Variants in ZEB1 observed in about 807,000 individuals in gnomAD.
ZEB1 encodes the protein zinc finger E-box binding homeobox 1.
ZEB1 carries 21 observed loss-of-function variants against 84.9 expected under a neutral mutation model. The ratio of observed to expected loss-of-function variants is 0.25; its 90% CI spans 0.18 to 0.36. The LOEUF (loss-of-function observed/expected upper bound fraction) is 0.36, where lower values mean the gene tolerates loss of function less well. ZEB1 is among the 10% of genes least tolerant of loss of function. The pLI is 1.00. For missense variants in ZEB1, 1,104 were observed against 1,330.2 expected (o/e 0.83, Z 2.65); for synonymous variants, 420 against 471.1 (o/e 0.89, Z 1.41).
intron 1 of ZEB1, chr10:31,361,062 C>T: frequency 2.5e-6 from 4 of 1,611,640 alleles, no homozygotes; most frequent in East Asian, 2.2e-5. Context: ...TCTGGATAAT[C>T]AGACTTCTTT....
chr10:31,497,850 A>G lies in ZEB1; in HGVS notation c.322+2012A>G, dbSNP rs1279285746. 3.3e-5 allele frequency among the ~76,000 whole-genome samples: 5 copies of G among 151,916 alleles called. No individual in the cohort carries two copies. In the East Asian group the frequency reaches 9.7e-4, roughly 29 times the overall value. ...GTCCCTTTTTTTGTTTATATAGTTG[A>G]TAATTTTAGAAAGTTTCAAACATGG... On this transcript the variant is annotated intron_variant, in intron 3 of 8. Coordinates refer to ENST00000424869, the MANE Select transcript of ZEB1 (RefSeq NM_001174096.2).
At chr10:31,454,206 A>G (rs911215930) in intron 1 of ZEB1, among the ~76,000 whole-genome samples, 4 of 152,180 alleles carry the variant, frequency 2.6e-5, no homozygotes, top group African/African-American at 7.2e-5. Context: ...ATAAAATTCA[A>G]CACCCCTTCA....
chr10:31,377,344 ACTGCTCTGCCACTAGTTC>A (rs1214253037), intron 1 of ZEB1, among the ~76,000 whole-genome samples: 1 of 151,680 alleles, frequency 6.6e-6, no homozygotes, highest in Non-Finnish European at 1.5e-5. Context: ...AAAATGTGAG[ACTGCTCTGCCACTAGTTC>A]CTGCTCTGCC....
At chr10:31,464,825 A>G (rs1261976690) in intron 2 of ZEB1, among the ~76,000 whole-genome samples, 1 of 152,214 alleles carries the variant, frequency 6.6e-6, no homozygotes, top group African/African-American at 2.4e-5. Flanking sequence ...CAAAAACAAA[A>G]GCTGAGGGAT....
upstream of ZEB1, chr10:31,318,946 C>T (rs1006064387): frequency 2.0e-6 from 1 of 496,174 alleles, no homozygotes; most frequent in African/African-American, 2.0e-5. Context: ...CCTACGGTTT[C>T]CCGGCATCCG....
chr10:31,329,615 G>A (rs953100025), intron 1 of ZEB1, among the ~76,000 whole-genome samples: 1 of 152,028 alleles, frequency 6.6e-6, no homozygotes, highest in Admixed American at 6.6e-5. Context: ...TGTTTAACTT[G>A]GTAAGAAGCT....
chr10:31,521,976 G>T, intron 7 of ZEB1, 40 bp downstream of exon 7: 1 of 1,613,276 alleles, frequency 6.2e-7, no homozygotes, highest in Non-Finnish European at 8.5e-7. Context: ...CTAGTAATAT[G>T]CTATTTGACT....
chr10:31,466,285 T>G (rs1282397982), intron 2 of ZEB1, among the ~76,000 whole-genome samples: 2 of 152,214 alleles, frequency 1.3e-5, no homozygotes, highest in African/African-American at 4.8e-5. Flanking sequence ...ATACAGAACA[T>G]TCCATTCAAC....
At position 31,495,856 on chromosome 10, in the gene ZEB1, T is replaced by A; in HGVS notation, c.322+18T>A. 6.2e-7 allele frequency: 1 copy of A among 1,612,696 alleles called. No homozygotes were observed. The highest frequency in any genetic ancestry group is 1.7e-5 in the Admixed American group (1 of 59,962). On this transcript the variant is annotated intron_variant, in intron 3 of 8. Coordinates refer to ENST00000424869, the MANE Select transcript of ZEB1 (RefSeq NM_001174096.2). ...ATGTACAGGTACTCTGCTGCGACTT[T>A]CTTTCATACCATAGCCTTTAAAAGA... is the stretch of plus-strand genomic sequence containing the variant.
intron 1 of ZEB1, among the ~76,000 whole-genome samples, chr10:31,438,223 T>C (rs2058504647): frequency 6.6e-6 from 1 of 152,228 alleles, no homozygotes; most frequent in East Asian, 1.9e-4. Flanking sequence ...GTGCTGGTGT[T>C]CAGCAAGTAT....
intron 1 of ZEB1, among the ~76,000 whole-genome samples, chr10:31,334,722 A>G (rs1048618007): frequency 6.6e-6 from 1 of 152,126 alleles, no homozygotes; most frequent in African/African-American, 2.4e-5. Flanking sequence ...AGTATCTGGA[A>G]TGAAAATGGG....
In ZEB1 at chr10:31,527,384, G is replaced by C; in HGVS notation, c.*120G>C. 9.1e-7 allele frequency: 1 copy of C among 1,095,444 alleles called. No homozygotes were observed. 67.9% of individuals were successfully genotyped at this position (1,095,444 alleles called of 1,614,324 possible). A position where few individuals can be genotyped will look rare whatever the true frequency, so the allele number is the denominator to read the frequency against. ...TGATTCCTGTTCACTACTGTGTAAA[G>C]TAAAAACTAAAAAAATACAAAATAC... On this transcript the variant is annotated 3_prime_UTR_variant, in exon 9 of 9. Coordinates refer to ENST00000424869, the MANE Select transcript of ZEB1 (RefSeq NM_001174096.2).
rs191917493 is a variant in ZEB1, at chr10:31,335,684, A to G, written c.58+16392A>G. On this transcript the variant is annotated intron_variant, in intron 1 of 8. Transcript: ENST00000424869. The stretch of plus-strand genomic sequence containing the variant: ...CCTTCTTTCCACTTCATGGTAAAGT[A>G]TTGAAGGCATTGGTTCCCTTTGATA... Among the ~76,000 whole-genome samples the G allele has an allele frequency of 5.9e-4, 90 of 152,298 alleles. 3 individuals carry two copies. In the East Asian group the frequency reaches 0.017, roughly 28 times the overall value.
intron 2 of ZEB1, among the ~76,000 whole-genome samples, chr10:31,473,216 A>T (rs1293487229): frequency 2.0e-5 from 3 of 151,056 alleles, no homozygotes; most frequent in Admixed American, 6.6e-5. Context: ...CAGGGCAATT[A>T]GGCAGGAGAA....
intron 1 of ZEB1, among the ~76,000 whole-genome samples, chr10:31,435,697 G>A (rs916388314): frequency 2.0e-5 from 3 of 152,192 alleles, no homozygotes; most frequent in Admixed American, 6.6e-5. Context: ...GTCATTTAGC[G>A]AGAATGAATA....
intron 1 of ZEB1, among the ~76,000 whole-genome samples, chr10:31,398,865 T>C (rs2051333714): frequency 1.3e-5 from 2 of 152,164 alleles, no homozygotes; most frequent in Admixed American, 6.5e-5. Flanking sequence ...CATCTCCAAA[T>C]TGGGAATGCT....
chr10:31,517,338 G>A (rs771836458), intron 6 of ZEB1, among the ~76,000 whole-genome samples: 9 of 151,920 alleles, frequency 5.9e-5, no homozygotes, highest in Non-Finnish European at 8.8e-5. Flanking sequence ...TAGGAATTGA[G>A]CTATCATGAG....
At chr10:31,446,778 T>C (rs1376057220) in intron 1 of ZEB1, among the ~76,000 whole-genome samples, 3 of 151,026 alleles carry the variant, frequency 2.0e-5, no homozygotes, top group African/African-American at 4.8e-5. Context: ...GTCTGAGAGA[T>C]AGTTTGTTAC....
chr10:31,439,567 T>C (rs184394), intron 1 of ZEB1, among the ~76,000 whole-genome samples: 37,766 of 151,992 alleles, frequency 0.25, 10,378 homozygotes, highest in African/African-American at 0.69. Context: ...AATTCCTGTC[T>C]GAATGGAACT....
Sources: allele counts gnomAD v4.1 joint callset (sites outside exome capture counted in the v4.1 genomes callset), GRCh38; gene constraint gnomAD v4.1.1; transcripts MANE v1.5; gene names NCBI Gene and HGNC (gene_info 2026-07-23, HGNC 2026-07-21).